The following ITPRID1 variants were observed in gnomAD, a reference collection of about 807,000 sequenced individuals.
ITPRID1 encodes the protein ITPR interacting domain containing 1.
A neutral mutation model predicts 95.4 loss-of-function variants in ITPRID1; 96 were observed. The observed-to-expected ratio is 1.01, with a 90% CI of 0.85 to 1.19. The LOEUF is 1.19. Among genes scored for constraint, ITPRID1 ranks in the 50% most tolerant of loss-of-function variants. The pLI is 0.00. For synonymous variants in ITPRID1, 510 were observed against 453.6 expected, an observed-to-expected ratio of 1.12 and a Z score of -1.58; for missense variants, 1,339 against 1,252.9, an observed-to-expected ratio of 1.07 and a Z score of -1.04.
chr7:31,628,514 G>A (rs1435178368), intron 10 of ITPRID1, among the ~76,000 whole-genome samples: 3 of 150,334 alleles, frequency 2.0e-5, no homozygotes, highest in Non-Finnish European at 4.4e-5. Flanking sequence ...ATGGAGTACA[G>A]TGGCGCGACC....
At chr7:31,548,822 G>A (rs562378027) in intron 1 of ITPRID1, among the ~76,000 whole-genome samples, 1 of 152,126 alleles carries the variant, frequency 6.6e-6, no homozygotes, top group Non-Finnish European at 1.5e-5. Context: ...AATAGGAGGG[G>A]TTCTGGAGGC....
At chr7:31,570,026 A>G (rs913692681) in intron 6 of ITPRID1, among the ~76,000 whole-genome samples, 2 of 152,222 alleles carry the variant, frequency 1.3e-5, no homozygotes, top group African/African-American at 4.8e-5. Context: ...TTAAATCAAC[A>G]AATGTTGATG....
Position 31,642,392 on chromosome 7 carries a change from A to G in ITPRID1, c.1311+134A>G. 3 of 695,106 alleles carry G rather than the reference A, an allele frequency of 4.3e-6. No individual in the cohort carries two copies. In the South Asian group the frequency reaches 5.8e-5, roughly 13 times the overall value. 43.1% of individuals were successfully genotyped at this position (695,106 alleles called of 1,614,324 possible). ...GTGTTTTAAATCAAGCCACAATTGG[A>G]AAGGTTGAGAAGGCACAAGCCACCT... is the stretch of plus-strand genomic sequence containing the variant. On this transcript the variant is annotated intron_variant, in intron 11 of 14. Coordinates refer to ENST00000615280, the MANE Select transcript of ITPRID1 (RefSeq NM_001257967.3).
At chr7:31,621,470 G>T (rs10255507) in intron 10 of ITPRID1, among the ~76,000 whole-genome samples, 4,390 of 133,544 alleles carry the variant, frequency 0.033, 253 homozygotes, top group African/African-American at 0.11. Flanking sequence ...TTAAAGAAAA[G>T]AATTTTCAAC....
intron 10 of ITPRID1, among the ~76,000 whole-genome samples, chr7:31,609,706 T>A (rs933013348): frequency 6.6e-6 from 1 of 151,548 alleles, no homozygotes; most frequent in Non-Finnish European, 1.5e-5. Flanking sequence ...AGCTAAAGAT[T>A]TGTCAGTTTT....
rs1784335357 is a variant in ITPRID1 at position 31,553,082 on chromosome 7, A to T, written c.58A>T (p.Lys20Ter). The T allele has an allele frequency of 1.9e-6, 3 of 1,608,106 alleles. No homozygotes were observed. The highest frequency in any genetic ancestry group is 2.5e-6 in the Non-Finnish European group (3 of 1,177,136). ...CCTTCAGGAAGGCCAGGAAAAGAGC[A>T]AGAGAGAGATCCTGAAGTGCACCAA... is the stretch of plus-strand genomic sequence containing the variant. ...DNLQEGQEKS[K>*]REILKCTKSA... Residue 20 changes from lysine (K) to a stop codon, truncating the protein, a stop_gained, in exon 3 of 15, where the codon AAG (lysine) becomes TAG (stop). Coordinates refer to ENST00000615280, the MANE Select transcript of ITPRID1 (RefSeq NM_001257967.3). LOFTEE classifies it high-confidence loss of function.
At chr7:31,540,252 G>A (rs1049989440) in intron 1 of ITPRID1, among the ~76,000 whole-genome samples, 13 of 152,110 alleles carry the variant, frequency 8.5e-5, no homozygotes, top group East Asian at 3.9e-4. Context: ...CTCACTAGAC[G>A]TGGGGGTGAA....
At position 31,559,306 on chromosome 7, in the gene ITPRID1, C is replaced by A. The variant is rs77668203; in HGVS notation, c.256+4405C>A. Reference sequence around the variant, plus strand: ...GTTCTTCTTCTGCTCCTCTGGGAACCACCATCATTGCCTTTGAGCTTTTAT... The same window carrying A: ...GTTCTTCTTCTGCTCCTCTGGGAACAACCATCATTGCCTTTGAGCTTTTAT... On this transcript the variant is annotated intron_variant, in intron 5 of 14. Transcript: ENST00000615280. Among the ~76,000 whole-genome samples the A allele has an allele frequency of 6.4e-4, 98 of 152,212 alleles. 1 individual carries two copies. The East Asian group carries it at 0.015, about 24-fold the overall frequency.
At chr7:31,586,126 G>C (rs1239878614) in intron 10 of ITPRID1, among the ~76,000 whole-genome samples, 1 of 135,940 alleles carries the variant, frequency 7.4e-6, no homozygotes, top group Non-Finnish European at 1.6e-5. Flanking sequence ...TACTGAGAAT[G>C]ATGATTTCCA....
intron 1 of ITPRID1, among the ~76,000 whole-genome samples, chr7:31,526,494 C>T (rs570827426): frequency 2.0e-5 from 3 of 152,170 alleles, no homozygotes; most frequent in Non-Finnish European, 4.4e-5. Flanking sequence ...TCCACCTAAA[C>T]TTTGTGTGAG....
At position 31,643,733 on chromosome 7, in the gene ITPRID1, G is replaced by T. The variant is rs369385676; in HGVS notation, c.2363G>T (p.Gly788Val). The T allele has an allele frequency of 1.2e-6, 2 of 1,613,976 alleles. No homozygotes were observed. The highest frequency in any genetic ancestry group is 1.7e-6 in the Non-Finnish European group (2 of 1,179,880). ...ACCAAATCCGTCTCTCTAGACTCAG[G>T]CTTCTCTAGTATCTGCCCAATGGGC... ...PLTKSVSLDSGFSSICPMGTC... is the reference protein window; with the variant it reads ...PLTKSVSLDSVFSSICPMGTC... Residue 788 changes from glycine (G) to valine (V), a missense_variant, in exon 12 of 15, where the codon GGC becomes GTC. Transcript: ENST00000615280.
intron 10 of ITPRID1, among the ~76,000 whole-genome samples, chr7:31,605,202 G>A (rs1184259652): frequency 6.6e-6 from 1 of 152,026 alleles, no homozygotes; most frequent in African/African-American, 2.4e-5. Context: ...GATTATGGTA[G>A]GAAGGGAGGG....
Position 31,578,111 on chromosome 7 carries a change from G to A in ITPRID1, c.847G>A (p.Val283Ile). 1 of 1,613,716 alleles carries A rather than the reference G, an allele frequency of 6.2e-7. No individual in the cohort carries two copies. Among genetic ancestry groups the A allele is most frequent in the Non-Finnish European group, 8.5e-7 (1 of 1,179,794 alleles). Reference protein sequence around the residue: ...VSESFKVKDEVFVPFTKPWDC... With the variant: ...VSESFKVKDEIFVPFTKPWDC... ...AGAGTCCTTCAAGGTGAAGGATGAA[G>A]TTTTTGTTCCCTTTACAAAACCATG... Residue 283 changes from valine (V) to isoleucine (I), a missense_variant, in exon 9 of 15, where the codon GTT becomes ATT. Transcript: ENST00000615280.
intron 10 of ITPRID1, among the ~76,000 whole-genome samples, chr7:31,621,733 C>G (rs1787919203): frequency 1.4e-5 from 2 of 145,716 alleles, no homozygotes; most frequent in African/African-American, 5.1e-5. Context: ...ATCATAATGA[C>G]AGGATCAAAT....
Position 31,654,469 on chromosome 7 carries a change from T to G in ITPRID1, c.*1640T>G, listed in dbSNP as rs1005223586. ...CTGTGGGTTTTAAGCAGGGTCGTCA[T>G]ATAATCTGATTTACGTTTTGAAGTC... is the stretch of plus-strand genomic sequence containing the variant. On this transcript the variant is annotated 3_prime_UTR_variant, in exon 15 of 15. Transcript: ENST00000615280. Among the ~76,000 whole-genome samples, 4 of 152,150 alleles carry G rather than the reference T, an allele frequency of 2.6e-5. No homozygotes were observed. Among genetic ancestry groups the G allele is most frequent in the Non-Finnish European group, 5.9e-5 (4 of 68,028 alleles).
chr7:31,642,833 A>G lies in ITPRID1; in HGVS notation c.1463A>G (p.Gln488Arg). Residue 488 changes from glutamine (Q) to arginine (R), a missense_variant, in exon 12 of 15, where the codon CAA (glutamine) becomes CGA (arginine). Transcript: ENST00000615280. Reference sequence around the variant, plus strand: ...AGGGCGAGCATGTCTTTTTCAAGCCAAGAAGCGAATGCCTTGGAACAAAGG... The same window carrying G: ...AGGGCGAGCATGTCTTTTTCAAGCCGAGAAGCGAATGCCTTGGAACAAAGG... ...KSRASMSFSSQEANALEQRAS... is the reference protein window; with the variant it reads ...KSRASMSFSSREANALEQRAS... 1 of 1,613,896 alleles carries G rather than the reference A, an allele frequency of 6.2e-7. No individual in the cohort carries two copies. The highest frequency in any genetic ancestry group is 8.5e-7 in the Non-Finnish European group (1 of 1,179,814).
chr7:31,632,265 G>T lies in ITPRID1; in HGVS notation c.1229-9911G>T, dbSNP rs543523341. Among the ~76,000 whole-genome samples, 8 of 152,020 alleles carry T rather than the reference G, an allele frequency of 5.3e-5. No homozygotes were observed. In the South Asian group the frequency reaches 1.7e-3, roughly 32 times the overall value. On this transcript the variant is annotated intron_variant, in intron 10 of 14. Coordinates refer to ENST00000615280, the MANE Select transcript of ITPRID1 (RefSeq NM_001257967.3). ...CGATCAAGACCATCCTGGCTAACAC[G>T]GTGAAACTCCATCTCTACTAAAAAA... is the stretch of plus-strand genomic sequence containing the variant.
At chr7:31,628,517 G>A (rs1788690769) in intron 10 of ITPRID1, among the ~76,000 whole-genome samples, 1 of 150,938 alleles carries the variant, frequency 6.6e-6, no homozygotes, top group South Asian at 2.1e-4. Context: ...GAGTACAGTG[G>A]CGCGACCTCA....
chr7:31,651,192 G>A lies in ITPRID1; in HGVS notation c.2634G>A (p.Arg878=), dbSNP rs1269184276. The change falls in exon 13 of 15, where the codon CGG becomes CGA. Residue 878 remains arginine, a synonymous_variant. Coordinates refer to ENST00000615280, the MANE Select transcript of ITPRID1 (RefSeq NM_001257967.3). ...TGAAGACGATATGCCAAAGTTTCCG[G>A]GAGTATTTAGAAGAAATTGAACAGC... ...EAMKTICQSF[R]EYLEEIEQHL... 3 of 1,613,578 alleles carry A rather than the reference G, an allele frequency of 1.9e-6. No homozygotes were observed. The highest frequency in any genetic ancestry group is 2.2e-5 in the East Asian group (1 of 44,872).
Sources: gnomAD v4.1 joint callset for allele counts (sites outside exome capture counted in the v4.1 genomes callset) on GRCh38, gnomAD v4.1.1 for gene constraint, MANE v1.5 for transcripts, NCBI Gene and HGNC (gene_info 2026-07-23, HGNC 2026-07-21) for gene names.